RNF125: variants seen among roughly 807,000 people sequenced by gnomAD.
RNF125 encodes the protein E3 ubiquitin-protein ligase RNF125.
A neutral mutation model predicts 26.0 loss-of-function variants in RNF125; 21 were observed. The observed-to-expected ratio is 0.81, with a 90% confidence interval of 0.57 to 1.16. The LOEUF is 1.16. Among genes scored for constraint, RNF125 ranks in the 50% most tolerant of loss-of-function variants. RNF125 has a pLI of 0.00. For synonymous variants in RNF125, 95 were observed against 109.2 expected (o/e 0.87, Z 0.81); for missense variants, 270 against 299.4 (o/e 0.90, Z 0.72).
At chr18:32,062,097 T>C (rs1302130227) in intron 4 of RNF125, among the ~76,000 whole-genome samples, 1 of 152,236 alleles carries the variant, frequency 6.6e-6, no homozygotes, top group Admixed American at 6.5e-5. Context: ...ACATTATCTG[T>C]AAATATTACA....
Position 32,036,932 on chromosome 18 carries a change from A to G in RNF125, c.165-184A>G, listed in dbSNP as rs76154530. Among the ~76,000 whole-genome samples, 133 of 152,288 alleles carry G rather than the reference A, an allele frequency of 8.7e-4. 1 individual carries two copies. Among genetic ancestry groups the G allele is most frequent in the African/African-American group, 3.0e-3 (126 of 41,554 alleles). Reference sequence around the variant, plus strand: ...ATGTGGTAAGAATGTGTGATTCTAAAGAAGTCTTGCTGGGAAGGTAAGCAA... The same window carrying G: ...ATGTGGTAAGAATGTGTGATTCTAAGGAAGTCTTGCTGGGAAGGTAAGCAA... On this transcript the variant is annotated intron_variant, in intron 1 of 5. Coordinates refer to ENST00000217740, the MANE Select transcript of RNF125 (RefSeq NM_017831.4).
chr18:32,085,381 G>T, the RNF125 span, among the ~76,000 whole-genome samples: 1 of 113,554 alleles, frequency 8.8e-6, no homozygotes. Flanking sequence ...AGCAGAGAGA[G>T]AGAGAGAGAG....
chr18:32,034,017 TA>T (rs1276571222), intron 1 of RNF125, among the ~76,000 whole-genome samples: 1 of 151,020 alleles, frequency 6.6e-6, no homozygotes, highest in East Asian at 1.9e-4. Flanking sequence ...TAAAACTTGA[TA>T]AAAAATAGTA....
chr18:32,040,963 T>A (rs73413981), intron 2 of RNF125, among the ~76,000 whole-genome samples: 6,324 of 152,300 alleles, frequency 0.042, 442 homozygotes, highest in African/African-American at 0.14. Context: ...GGTTTTGTTC[T>A]TACTTTTCAC....
rs944938847 is a variant in RNF125 at position 32,068,988 on chromosome 18, GT to G, written c.*606del. The G allele has an allele frequency of 1.8e-4, 28 of 152,370 alleles. No individual in the cohort carries two copies. The highest frequency in any genetic ancestry group is 6.7e-4 in the African/African-American group (28 of 41,546). The allele number at this position is 152,370 out of a possible 1,614,324, so 9.4% of individuals were successfully genotyped here. A position where few individuals can be genotyped will look rare whatever the true frequency, so the allele number is the denominator to read the frequency against. ...AAGCAGGCGGATCACAAGGTCAGGA[GT>G]TCGAGACCAGCCTGGCCAACACTGG... is the stretch of plus-strand genomic sequence containing the variant. On this transcript the variant is annotated 3_prime_UTR_variant, in exon 6 of 6. Transcript: ENST00000217740.
chr18:32,040,719 ATCAAT>A (rs1329607742), intron 2 of RNF125, among the ~76,000 whole-genome samples: 2 of 152,156 alleles, frequency 1.3e-5, no homozygotes, highest in Non-Finnish European at 2.9e-5. Flanking sequence ...CTATGAATTG[ATCAAT>A]TCATTTGTCA....
chr18:32,056,452 A>C (rs1365212070), intron 4 of RNF125, among the ~76,000 whole-genome samples: 2 of 152,062 alleles, frequency 1.3e-5, no homozygotes, highest in African/African-American at 4.8e-5. Context: ...CCCCATGTCT[A>C]CTAAAAATAC....
chr18:32,045,868 T>G, intron 4 of RNF125, 136 bp downstream of exon 4: 1 of 556,056 alleles, frequency 1.8e-6, no homozygotes, highest in East Asian at 3.1e-5. Flanking sequence ...ACTCTGTGAC[T>G]GTTTACAATG....
chr18:32,053,267 C>T (rs1390874303), intron 4 of RNF125, among the ~76,000 whole-genome samples: 1 of 152,046 alleles, frequency 6.6e-6, no homozygotes, highest in African/African-American at 2.4e-5. Flanking sequence ...GAGACTGAGG[C>T]AGGAGAATCG....
At chr18:32,051,756 G>C (rs527779244) in intron 4 of RNF125, among the ~76,000 whole-genome samples, 1 of 147,358 alleles carries the variant, frequency 6.8e-6, no homozygotes, top group Non-Finnish European at 1.5e-5. Context: ...GTGTAGTGGC[G>C]TGATCTCACT....
intron 5 of RNF125, 57 bp from the exon 6 acceptor site, chr18:32,068,241 C>G: frequency 1.1e-6 from 1 of 952,320 alleles, no homozygotes; most frequent in Non-Finnish European, 1.7e-6. Context: ...CCCTCATCCT[C>G]TAGTTTCTGA....
At chr18:32,058,792 C>G (rs2039409909) in intron 4 of RNF125, among the ~76,000 whole-genome samples, 1 of 152,180 alleles carries the variant, frequency 6.6e-6, no homozygotes, top group South Asian at 2.1e-4. Flanking sequence ...CCTTCCCAGC[C>G]TCTGGTAACC....
At chr18:32,050,315 A>G (rs1271695377) in intron 4 of RNF125, among the ~76,000 whole-genome samples, 1 of 152,052 alleles carries the variant, frequency 6.6e-6, no homozygotes, top group Non-Finnish European at 1.5e-5. Context: ...ATATTGTTAT[A>G]TTCTGCCATT....
chr18:32,065,130 A>G (rs886825728), intron 4 of RNF125, among the ~76,000 whole-genome samples: 5 of 152,250 alleles, frequency 3.3e-5, no homozygotes, highest in Non-Finnish European at 7.3e-5. Flanking sequence ...TTTCATGTTT[A>G]TGCAATTTTA....
chr18:32,027,895 G>A (rs1050825567), intron 1 of RNF125, among the ~76,000 whole-genome samples: 15 of 152,004 alleles, frequency 9.9e-5, no homozygotes, highest in African/African-American at 3.6e-4. Context: ...CAGAAGAATG[G>A]GGGATTGCAA....
At chr18:32,020,014 G>A (rs1302185516) in intron 1 of RNF125, among the ~76,000 whole-genome samples, 1 of 32,312 alleles carries the variant, frequency 3.1e-5, no homozygotes, top group Non-Finnish European at 7.9e-5. Context: ...GTGTGTGTGT[G>A]TGTGTGTGTG....
At chr18:32,073,583 A>G (rs1272414416), downstream of RNF125, among the ~76,000 whole-genome samples, 1 of 152,256 alleles carries the variant, frequency 6.6e-6, no homozygotes, top group Non-Finnish European at 1.5e-5. Context: ...TCTGCTAGCA[A>G]GAGGCTTCAC....
At chr18:32,037,972 A>G (rs561337341) in intron 2 of RNF125, among the ~76,000 whole-genome samples, 14 of 151,086 alleles carry the variant, frequency 9.3e-5, no homozygotes, top group Admixed American at 8.6e-4. Flanking sequence ...GTCCCCTTCC[A>G]TGTTGTGGGA....
chr18:32,067,953 C>A (rs76897747), intron 5 of RNF125, among the ~76,000 whole-genome samples: 1 of 152,120 alleles, frequency 6.6e-6, no homozygotes, highest in Admixed American at 6.6e-5. Flanking sequence ...TGTGGGGGAG[C>A]CTGAACTTTG....
Sources: allele counts gnomAD v4.1 joint callset (sites outside exome capture counted in the v4.1 genomes callset), GRCh38; gene constraint gnomAD v4.1.1; transcripts MANE v1.5; gene names NCBI Gene and HGNC (gene_info 2026-07-23, HGNC 2026-07-21).